Variants in SLC41A2 observed in about 807,000 individuals in gnomAD.
SLC41A2 encodes solute carrier family 41 member 2, also known as SLC41A1-like 1.
In SLC41A2, 32 loss-of-function variants were observed where a neutral mutation model predicts 58.3. The ratio of observed to expected loss-of-function variants is 0.55; its 90% CI spans 0.41 to 0.74. SLC41A2 has a LOEUF of 0.74. Ranked by LOEUF, SLC41A2 falls within the 30% of genes least tolerant of loss-of-function variation. The pLI is 0.00. For missense variants in SLC41A2, 514 were observed against 680.6 expected, an observed-to-expected ratio of 0.76 and a Z score of 2.72; for synonymous variants, 190 against 235.0, an observed-to-expected ratio of 0.81 and a Z score of 1.75.
Position 104,853,911 on chromosome 12 carries a change from A to ATTATTATTATTATTATTTTTTTT in SLC41A2, c.1255+7379_1255+7380insAAAAAAAATAATAATAATAATAA. Among the ~76,000 whole-genome samples the ATTATTATTATTATTATTTTTTTT allele has an allele frequency of 2.7e-4, 16 of 59,494 alleles. 1 individual carries two copies. The highest frequency in any genetic ancestry group is 6.2e-4 in the African/African-American group (9 of 14,476). 39.0% of individuals were successfully genotyped at this position (59,494 alleles called of 152,430 possible). On this transcript the variant is annotated intron_variant, in intron 8 of 10. Transcript: ENST00000258538. ...GGGTGCATGTCACCATGCCTGGCTG[A>ATTATTATTATTATTATTTTTTTT]TTTTTTTTTTTTTTTTTTTTTTTTT...
chr12:104,854,787 A>C (rs2042962496), intron 8 of SLC41A2, among the ~76,000 whole-genome samples: 1 of 152,128 alleles, frequency 6.6e-6, no homozygotes, highest in African/African-American at 2.4e-5. Context: ...ATTAGAAAAC[A>C]CTGCCCTAGA....
intron 10 of SLC41A2, among the ~76,000 whole-genome samples, chr12:104,808,738 T>C (rs2041039442): frequency 6.6e-6 from 1 of 152,248 alleles, no homozygotes; most frequent in East Asian, 1.9e-4. Context: ...ATTGCCTCAA[T>C]TTCAGAGCCT....
intron 3 of SLC41A2, among the ~76,000 whole-genome samples, chr12:104,908,178 T>C (rs1174630843): frequency 6.6e-6 from 1 of 152,066 alleles, no homozygotes; most frequent in Non-Finnish European, 1.5e-5. Context: ...GGCAGGAGAA[T>C]TGCTTGAACC....
chr12:104,880,391 C>G (rs1305205724), intron 6 of SLC41A2, among the ~76,000 whole-genome samples: 2 of 152,062 alleles, frequency 1.3e-5, no homozygotes, highest in African/African-American at 4.8e-5. Flanking sequence ...CCTGTCTTGT[C>G]ACACTTTTCA....
At position 104,802,036 on chromosome 12, in the gene SLC41A2, G is replaced by A. The variant is rs934249999; in HGVS notation, c.*3116C>T. ...ACACTATACCATAGATATAAGGCAA[G>A]GAATCCCAATTACTGATTTTTTTGA... On this transcript the variant is annotated 3_prime_UTR_variant, in exon 11 of 11. Transcript: ENST00000258538. Among the ~76,000 whole-genome samples, 4 of 152,080 alleles carry A rather than the reference G, an allele frequency of 2.6e-5. No homozygotes were observed. Among genetic ancestry groups the A allele is most frequent in the Non-Finnish European group, 5.9e-5 (4 of 68,008 alleles).
chr12:104,914,893 C>T (rs919654669), intron 2 of SLC41A2, among the ~76,000 whole-genome samples: 13 of 152,230 alleles, frequency 8.5e-5, no homozygotes, highest in Non-Finnish European at 1.5e-5. Context: ...AGTTAATTTT[C>T]CTGTCAAGAG....
intron 1 of SLC41A2, among the ~76,000 whole-genome samples, chr12:104,934,180 T>G (rs897100213): frequency 1.3e-5 from 2 of 149,086 alleles, no homozygotes; most frequent in Non-Finnish European, 2.9e-5. Context: ...CATCAATGAA[T>G]GGAAAAAAAA....
At chr12:104,894,405 A>G (rs1207549537) in intron 4 of SLC41A2, among the ~76,000 whole-genome samples, 3 of 152,106 alleles carry the variant, frequency 2.0e-5, no homozygotes, top group Non-Finnish European at 4.4e-5. Flanking sequence ...AAAATAAATA[A>G]AAGAGAAAAG....
At chr12:104,898,305 C>T (rs1413729847) in intron 3 of SLC41A2, among the ~76,000 whole-genome samples, 1 of 152,014 alleles carries the variant, frequency 6.6e-6, no homozygotes, top group East Asian at 1.9e-4. Flanking sequence ...AAGCCTTCTT[C>T]TGCATAAACA....
chr12:104,909,715 A>G lies in SLC41A2; in HGVS notation c.603T>C (p.Pro201=). 1 of 1,611,500 alleles carries G rather than the reference A, an allele frequency of 6.2e-7. No homozygotes were observed. The highest frequency in any genetic ancestry group is 2.2e-5 in the East Asian group (1 of 44,798). ...RKVTEVFILV[P]ALLGLKGNLE... ...AGTTCCCTTTGAGACCAAGAAGTGC[A>G]GGGACTAAAATGAAAACTTCTGTAA... is the stretch of plus-strand genomic sequence containing the variant. Residue 201 remains proline (P), a synonymous_variant, in exon 3 of 11, where the codon CCT becomes CCC. Coordinates refer to ENST00000258538, the MANE Select transcript of SLC41A2 (RefSeq NM_001352171.3).
intron 10 of SLC41A2, among the ~76,000 whole-genome samples, chr12:104,826,886 G>A (rs2041864631): frequency 6.6e-6 from 1 of 152,198 alleles, no homozygotes; most frequent in African/African-American, 2.4e-5. Flanking sequence ...ATTTGGGGAT[G>A]AGCTTTGTAT....
In SLC41A2 at chr12:104,903,795, G is replaced by A. The variant is rs1391947689; in HGVS notation, c.663+5860C>T. 3.9e-5 allele frequency among the ~76,000 whole-genome samples: 6 copies of A among 152,194 alleles called. No individual in the cohort carries two copies. The South Asian group carries it at 6.2e-4, about 16-fold the overall frequency. The stretch of plus-strand genomic sequence containing the variant: ...CACAGCTCTCAACCAATGGAAGCTG[G>A]CAGCTCTACCCCTACCTCTCTAAAG... On this transcript the variant is annotated intron_variant, in intron 3 of 10. Transcript: ENST00000258538.
chr12:104,945,640 G>A (rs1283514648), intron 1 of SLC41A2, among the ~76,000 whole-genome samples: 1 of 152,116 alleles, frequency 6.6e-6, no homozygotes, highest in African/African-American at 2.4e-5. Flanking sequence ...GACAAAAATA[G>A]GCTCATATTG....
intron 2 of SLC41A2, among the ~76,000 whole-genome samples, chr12:104,925,343 G>A (rs2046789066): frequency 1.3e-5 from 2 of 152,204 alleles, no homozygotes; most frequent in Middle Eastern, 3.4e-3. Flanking sequence ...CGGATCACGA[G>A]GTCAGGAAAT....
At chr12:104,910,438 T>G (rs1284597682) in intron 2 of SLC41A2, among the ~76,000 whole-genome samples, 7 of 152,292 alleles carry the variant, frequency 4.6e-5, no homozygotes, top group African/African-American at 1.7e-4. Flanking sequence ...CTCAATTTCT[T>G]CATCCATTAA....
At chr12:104,937,460 T>C (rs1023172419) in intron 1 of SLC41A2, among the ~76,000 whole-genome samples, 1 of 152,242 alleles carries the variant, frequency 6.6e-6, no homozygotes, top group African/African-American at 2.4e-5. Flanking sequence ...TAATGTGCTA[T>C]ACAAACCTGT....
At chr12:104,820,880 G>A (rs1243426212) in intron 10 of SLC41A2, among the ~76,000 whole-genome samples, 7 of 152,092 alleles carry the variant, frequency 4.6e-5, no homozygotes. Flanking sequence ...CCTGACCTCA[G>A]GTGATCCACT....
intron 1 of SLC41A2, among the ~76,000 whole-genome samples, chr12:104,937,332 GCC>G (rs2047322692): frequency 6.6e-6 from 1 of 152,106 alleles, no homozygotes; most frequent in Non-Finnish European, 1.5e-5. Context: ...CATGGTAAAT[GCC>G]CTATACAGGT....
At chr12:104,820,791 C>T (rs1247021833) in intron 10 of SLC41A2, among the ~76,000 whole-genome samples, 2 of 151,994 alleles carry the variant, frequency 1.3e-5, no homozygotes, top group Admixed American at 6.6e-5. Context: ...TACAGGTGCC[C>T]GCCACCATGC....
Sources: allele counts gnomAD v4.1 joint callset (sites outside exome capture counted in the v4.1 genomes callset), GRCh38; gene constraint gnomAD v4.1.1; transcripts MANE v1.5; gene names NCBI Gene and HGNC (gene_info 2026-07-23, HGNC 2026-07-21).